CCDC93: variants seen among roughly 807,000 people sequenced by gnomAD.
CCDC93 encodes CCC complex scaffolding subunit CCDC93.
CCDC93 carries 61 observed loss-of-function variants against 108.2 expected under a neutral mutation model. That is an observed-to-expected ratio of 0.56 (90% CI 0.46 to 0.70). CCDC93 has a LOEUF of 0.70. CCDC93 is among the 30% of genes least tolerant of loss of function. The pLI is 0.00. For missense variants in CCDC93, 685 were observed against 764.2 expected (o/e 0.90, Z 1.22); for synonymous variants, 276 against 260.4 (o/e 1.06, Z -0.58).
chr2:118,007,632 G>A (rs766941255), intron 2 of CCDC93, among the ~76,000 whole-genome samples: 1 of 152,220 alleles, frequency 6.6e-6, no homozygotes. Context: ...TTGAGCCATT[G>A]CACTCCAGCC....
intron 7 of CCDC93, chr2:117,985,521 A>G (rs1268120661): frequency 1.9e-6 from 1 of 518,066 alleles, no homozygotes; most frequent in Non-Finnish European, 2.3e-6. Flanking sequence ...GATATAAAAT[A>G]AGATTTTTTT....
At chr2:117,929,452 T>C (rs1304720734) in intron 23 of CCDC93, among the ~76,000 whole-genome samples, 2 of 152,144 alleles carry the variant, frequency 1.3e-5, no homozygotes, top group East Asian at 1.9e-4. Flanking sequence ...ACTTAACACC[T>C]CTGAAGGAAC....
chr2:117,924,073 C>T (rs1677987431), intron 23 of CCDC93, among the ~76,000 whole-genome samples: 1 of 152,232 alleles, frequency 6.6e-6, no homozygotes, highest in Non-Finnish European at 1.5e-5. Context: ...AGGGTCCTGT[C>T]TGTTAGAAGG....
At chr2:118,005,526 C>G (rs368338511) in intron 3 of CCDC93, among the ~76,000 whole-genome samples, 5 of 152,058 alleles carry the variant, frequency 3.3e-5, no homozygotes, top group East Asian at 3.9e-4. Context: ...GAGGCCAAGG[C>G]GAGAGGATTG....
intron 6 of CCDC93, among the ~76,000 whole-genome samples, chr2:117,993,138 T>C (rs915450051): frequency 1.3e-5 from 2 of 152,170 alleles, no homozygotes; most frequent in African/African-American, 2.4e-5. Context: ...GGCTCACGCC[T>C]GTAATCCCAG....
intron 23 of CCDC93, among the ~76,000 whole-genome samples, chr2:117,927,638 T>C (rs141332785): frequency 0.069 from 10,570 of 152,252 alleles, 512 homozygotes; most frequent in Admixed American, 0.11. Flanking sequence ...GAACATTCCA[T>C]TCTTATGGGT....
intron 7 of CCDC93, among the ~76,000 whole-genome samples, chr2:117,982,613 C>A (rs527761105): frequency 2.6e-5 from 4 of 152,118 alleles, no homozygotes; most frequent in Admixed American, 2.6e-4. Context: ...TGACCTTCAA[C>A]CCCAAGGAAG....
chr2:117,954,920 TGAA>T (rs61495913), intron 12 of CCDC93, among the ~76,000 whole-genome samples: 31,328 of 152,086 alleles, frequency 0.21, 3,386 homozygotes, highest in Middle Eastern at 0.31. Flanking sequence ...AGTCATCATG[TGAA>T]GAAGGACATG....
At position 117,946,828 on chromosome 2, in the gene CCDC93, G is replaced by C. The variant is rs760836670; in HGVS notation, c.1279C>G (p.Pro427Ala). The change falls in exon 16 of 24, where the codon CCA (proline) becomes GCA (alanine). Residue 427 changes from proline (P) to alanine (A), a missense_variant. Physicochemically the swap from Pro to Ala is conservative, Grantham distance 27. Transcript: ENST00000376300. ...GCCTTTACCTTTTCATCTCCACGTG[G>C]TGCTCTCTCAGCTTTCAGGTTTTCA... ...EIENLKAERA[P>A]RGDEKTLSSG... 2 of 1,612,848 alleles carry C rather than the reference G, an allele frequency of 1.2e-6. No homozygotes were observed. Among genetic ancestry groups the C allele is most frequent in the Non-Finnish European group, 1.7e-6 (2 of 1,178,806 alleles).
At chr2:118,001,408 C>T (rs1436523823) in intron 3 of CCDC93, among the ~76,000 whole-genome samples, 1 of 151,364 alleles carries the variant, frequency 6.6e-6, no homozygotes, top group Non-Finnish European at 1.5e-5. Flanking sequence ...AACATGGAGC[C>T]CCATTTCCAA....
At chr2:117,943,133 C>A (rs138848947) in intron 18 of CCDC93, among the ~76,000 whole-genome samples, 62 of 152,332 alleles carry the variant, frequency 4.1e-4, no homozygotes, top group African/African-American at 1.4e-3. Context: ...ACTGGCTTTA[C>A]TGAAGCTTTC....
At chr2:118,008,010 C>G (rs1046921154) in intron 2 of CCDC93, among the ~76,000 whole-genome samples, 4 of 152,224 alleles carry the variant, frequency 2.6e-5, no homozygotes, top group African/African-American at 9.6e-5. Flanking sequence ...CATCCCCACT[C>G]TACAGAAATT....
chr2:117,988,627 G>C (rs1680389013), intron 6 of CCDC93, among the ~76,000 whole-genome samples: 1 of 152,258 alleles, frequency 6.6e-6, no homozygotes, highest in Admixed American at 6.5e-5. Context: ...CACCTAAAGG[G>C]ACCCCATAGA....
chr2:117,979,608 C>G lies in CCDC93; in HGVS notation c.621-1578G>C, dbSNP rs569934132. Among the ~76,000 whole-genome samples the G allele has an allele frequency of 8.5e-5, 13 of 152,308 alleles. No homozygotes were observed. In the South Asian group the frequency reaches 2.5e-3, roughly 29 times the overall value. ...GTGAAAAAATGCAAAAATCAAGAAGCCAAAAGTATCATCTGACCTTGCAAC... is the reference window on the plus strand; with the variant it reads ...GTGAAAAAATGCAAAAATCAAGAAGGCAAAAGTATCATCTGACCTTGCAAC... On this transcript the variant is annotated intron_variant, in intron 7 of 23. Transcript: ENST00000376300.
chr2:117,931,842 C>T (rs1432876555), intron 22 of CCDC93, among the ~76,000 whole-genome samples: 2 of 152,138 alleles, frequency 1.3e-5, no homozygotes, highest in African/African-American at 4.8e-5. Flanking sequence ...TTTAAAGAGA[C>T]TTTTCTAAGG....
At chr2:117,933,549 C>T (rs764963000) in intron 22 of CCDC93, among the ~76,000 whole-genome samples, 19 of 152,214 alleles carry the variant, frequency 1.2e-4, no homozygotes, top group Non-Finnish European at 1.8e-4. Flanking sequence ...AACCCTCAGA[C>T]GGGGCATAAA....
At chr2:117,960,405 G>A (rs1679349679) in intron 11 of CCDC93, among the ~76,000 whole-genome samples, 1 of 152,204 alleles carries the variant, frequency 6.6e-6, no homozygotes, top group Non-Finnish European at 1.5e-5. Context: ...AGTGTGTGGG[G>A]GCTGAGTAAA....
At chr2:117,963,710 T>G (rs1335907309) in intron 11 of CCDC93, among the ~76,000 whole-genome samples, 1 of 152,188 alleles carries the variant, frequency 6.6e-6, no homozygotes, top group Non-Finnish European at 1.5e-5. Context: ...ATCCAAAACC[T>G]CCTCTTTAAT....
chr2:117,973,813 C>G (rs1679843522), intron 11 of CCDC93, 95 bp downstream of exon 11: 12 of 910,844 alleles, frequency 1.3e-5, no homozygotes, highest in Non-Finnish European at 2.1e-5. Flanking sequence ...TACAAGAGAA[C>G]ACGGGGCACT....
Sources: allele counts gnomAD v4.1 joint callset (sites outside exome capture counted in the v4.1 genomes callset), GRCh38; gene constraint gnomAD v4.1.1; transcripts MANE v1.5; gene names NCBI Gene and HGNC (gene_info 2026-07-23, HGNC 2026-07-21).